The following RBMX variants were observed in gnomAD, a reference collection of about 807,000 sequenced individuals.
The protein encoded by RBMX is RNA-binding motif protein, X chromosome.
RBMX carries 1 observed loss-of-function variant against 29.3 expected under a neutral mutation model. The ratio of observed to expected loss-of-function variants is 0.03; its 90% confidence interval spans 0.01 to 0.16. RBMX has a LOEUF of 0.16. Among genes scored for constraint, RBMX ranks in the 10% least tolerant of loss-of-function variants. The probability of loss-of-function intolerance (pLI) is 1.00; values close to 1 mark genes in which losing one functional copy is unlikely to be tolerated. For synonymous variants in RBMX, 102 were observed against 102.3 expected (o/e 1.00, Z 0.02); for missense variants, 121 against 333.2 (o/e 0.36, Z 4.96).
At chrX:136,872,171 G>C (rs919577544), downstream of RBMX, 12 of 651,118 alleles carry the variant, frequency 1.8e-5, no homozygotes, top group Admixed American at 3.0e-4. Context: ...TTTTACAGAT[G>C]AAGTGAGGAC....
downstream of RBMX, among the ~76,000 whole-genome samples, chrX:136,871,238 G>A (rs981856441): frequency 9.1e-6 from 1 of 109,311 alleles, no homozygotes; most frequent in Non-Finnish European, 1.9e-5. Context: ...AAGGTCAGGA[G>A]ATCGAGACCA....
At chrX:136,879,775 G>T (rs887272512) in intron 1 of RBMX, among the ~76,000 whole-genome samples, 1 of 111,523 alleles carries the variant, frequency 9.0e-6, no homozygotes, top group Non-Finnish European at 1.9e-5. Context: ...GCCTTTGAAA[G>T]ATTCAATTAC....
At chrX:136,875,832 C>T (rs1311594061) in intron 5 of RBMX, among the ~76,000 whole-genome samples, 4 of 108,333 alleles carry the variant, frequency 3.7e-5, no homozygotes, top group African/African-American at 1.0e-4. Flanking sequence ...ATGGGAGTCT[C>T]GCTCTGTCAC....
intron 5 of RBMX, among the ~76,000 whole-genome samples, chrX:136,876,170 C>G (rs1371633891): frequency 1.0e-5 from 1 of 98,276 alleles, no homozygotes; most frequent in Admixed American, 1.1e-4. Flanking sequence ...TGTTGCCACG[C>G]TGGAGGACAG....
At chrX:136,877,328 A>ACC (rs765225668) in intron 4 of RBMX, among the ~76,000 whole-genome samples, 1,353 of 25,230 alleles carry the variant, frequency 0.054, 231 homozygotes, top group East Asian at 0.2. Context: ...GCTAAACTCT[A>ACC]CCCCCCCCCC....
At chrX:136,878,258 G>A (rs886270594) in intron 3 of RBMX, among the ~76,000 whole-genome samples, 172 bp from the exon 4 acceptor site, 1 of 111,044 alleles carries the variant, frequency 9.0e-6, no homozygotes, top group African/African-American at 3.3e-5. Context: ...GGGCTTTTCC[G>A]CTTAAAATTC....
intron 3 of RBMX, 78 bp from the exon 4 acceptor site, chrX:136,878,164 T>C (rs943751177): frequency 3.7e-5 from 33 of 882,412 alleles, no homozygotes; most frequent in Non-Finnish European, 5.0e-5. Flanking sequence ...AGACACTAAC[T>C]GGTCCTTCAA....
chrX:136,875,714 T>G, intron 5 of RBMX, 129 bp from the exon 6 acceptor site: 1 of 924,992 alleles, frequency 1.1e-6, no homozygotes, highest in Non-Finnish European at 1.4e-6. Context: ...ATCACCTAAT[T>G]TTATTTTCTA....
downstream of RBMX, among the ~76,000 whole-genome samples, chrX:136,870,798 G>GAAAAAGAA (rs1356238688): frequency 9.9e-6 from 1 of 100,516 alleles, no homozygotes; most frequent in Non-Finnish European, 2.0e-5. Flanking sequence ...AAAAAAAAAA[G>GAAAAAGAA]AAAAAGAAAA....
At position 136,878,012 on chromosome X, in the gene RBMX, A is replaced by T; in HGVS notation, c.291T>A (p.Pro97=). Residue 97 remains proline (P), a synonymous_variant, in exon 4 of 9, where the codon CCT becomes CCA. Coordinates refer to ENST00000320676, the MANE Select transcript of RBMX (RefSeq NM_002139.4). Reference sequence around the variant, plus strand: ...GAGGGCCTCTACTTCTTGGAGGTGGAGGCGGTCCACGTCTACCACTTTCAA... The same window carrying T: ...GAGGGCCTCTACTTCTTGGAGGTGGTGGCGGTCCACGTCTACCACTTTCAA... The part of the protein sequence containing the change: ...PSFESGRRGP[P]PPPRSRGPPR... The T allele has an allele frequency of 8.3e-7, 1 of 1,210,273 alleles. No homozygotes were observed. Among genetic ancestry groups the T allele is most frequent in the Non-Finnish European group, 1.1e-6 (1 of 894,626 alleles).
chrX:136,869,512 G>A (rs1053103), downstream of RBMX: 2 of 111,751 alleles, frequency 1.8e-5, no homozygotes, highest in Admixed American at 9.6e-5. Flanking sequence ...TCAAGAGCCA[G>A]AAGGTCCTCA....
downstream of RBMX, chrX:136,872,439 G>C (rs1208035625): frequency 3.9e-6 from 3 of 763,202 alleles, no homozygotes; most frequent in Non-Finnish European, 5.8e-6. Flanking sequence ...GAAAGAAAAG[G>C]CAAGTTCAGA....
At chrX:136,878,127 A>T in intron 3 of RBMX, 41 bp from the exon 4 acceptor site, 1 of 1,077,053 alleles carries the variant, frequency 9.3e-7, no homozygotes. Flanking sequence ...AAGATTTAAA[A>T]ATAATTTGCA....
chrX:136,872,194 C>G (rs2077689402), downstream of RBMX: 1 of 832,169 alleles, frequency 1.2e-6, no homozygotes, highest in African/African-American at 2.0e-5. Flanking sequence ...CAATAACTTG[C>G]CAATGTCACA....
In RBMX at chrX:136,873,873, A is replaced by T. The variant is rs2077700891; in HGVS notation, c.*269T>A. Reference sequence around the variant, plus strand: ...TCAGATAGGAAGTGGCCTTTAGGGGATACTTTTACTTGGAAAGTTACAACA... The same window carrying T: ...TCAGATAGGAAGTGGCCTTTAGGGGTTACTTTTACTTGGAAAGTTACAACA... On this transcript the variant is annotated 3_prime_UTR_variant, in exon 9 of 9. Transcript: ENST00000320676. The T allele has an allele frequency of 1.1e-6, 1 of 939,170 alleles. No homozygotes were observed. The allele number at this position is 939,170 out of a possible 1,213,427, so 77.4% of individuals were successfully genotyped here.
intron 1 of RBMX, among the ~76,000 whole-genome samples, chrX:136,879,829 T>C (rs1479195859): frequency 9.0e-6 from 1 of 111,283 alleles, no homozygotes; most frequent in Non-Finnish European, 1.9e-5. Flanking sequence ...ACTCCCAAGG[T>C]CACAGGCTAG....
chrX:136,870,404 C>T (rs765152588), downstream of RBMX: 1 of 113,891 alleles, frequency 8.8e-6, no homozygotes, highest in African/African-American at 3.2e-5. Context: ...CAGCCGCCTT[C>T]TGCTTCAACA....
At chrX:136,870,277 T>C, downstream of RBMX, 1 of 112,748 alleles carries the variant, frequency 8.9e-6, no homozygotes, top group Non-Finnish European at 1.9e-5. Context: ...TTATGAGTGT[T>C]AATCAACACT....
intron 4 of RBMX, among the ~76,000 whole-genome samples, chrX:136,877,553 T>C (rs1322740264): frequency 9.4e-6 from 1 of 106,310 alleles, no homozygotes; most frequent in Non-Finnish European, 1.9e-5. Flanking sequence ...CAAGTTCAAG[T>C]GATTCTTCTG....
Sources: allele counts gnomAD v4.1 joint callset (sites outside exome capture counted in the v4.1 genomes callset), GRCh38; gene constraint gnomAD v4.1.1; transcripts MANE v1.5; gene names NCBI Gene and HGNC (gene_info 2026-07-23, HGNC 2026-07-21).